NYAP2: variants seen among roughly 807,000 people sequenced by gnomAD.
The protein encoded by NYAP2 is neuronal tyrosine-phosphorylated phosphoinositide-3-kinase adapter 2.
NYAP2 carries 23 observed loss-of-function variants against 50.4 expected under a neutral mutation model. The observed-to-expected ratio is 0.46, with a 90% CI of 0.33 to 0.65. NYAP2 has a LOEUF of 0.65. NYAP2 is among the 30% of genes least tolerant of loss of function. The pLI, the probability that NYAP2 is intolerant of heterozygous loss-of-function variation, is 0.02. For synonymous variants in NYAP2, 394 were observed against 365.2 expected (o/e 1.08, Z -0.90); for missense variants, 885 against 861.0 (o/e 1.03, Z -0.35).
At chr2:225,511,910 C>T (rs1690825355) in intron 3 of NYAP2, among the ~76,000 whole-genome samples, 1 of 152,162 alleles carries the variant, frequency 6.6e-6, no homozygotes, top group Non-Finnish European at 1.5e-5. Context: ...AAGGTAGACT[C>T]AGCAAGCTTC....
intron 4 of NYAP2, among the ~76,000 whole-genome samples, chr2:225,548,495 G>T (rs1281643976): frequency 2.0e-5 from 3 of 151,838 alleles, no homozygotes; most frequent in Non-Finnish European, 2.9e-5. Context: ...ATTACATAAT[G>T]CTATGTGTCT....
intron 5 of NYAP2, among the ~76,000 whole-genome samples, chr2:225,604,298 C>T (rs922058830): frequency 7.2e-5 from 11 of 152,060 alleles, no homozygotes; most frequent in East Asian, 1.9e-4. Context: ...AAGTTTTGTA[C>T]GTTTCCTTTT....
chr2:225,607,770 G>T (rs1254118320), intron 5 of NYAP2, among the ~76,000 whole-genome samples: 4 of 152,078 alleles, frequency 2.6e-5, no homozygotes, highest in African/African-American at 7.2e-5. Context: ...GGTCTTAAAT[G>T]GAAAAGGACT....
the NYAP2 span, among the ~76,000 whole-genome samples, chr2:225,694,405 AC>A: frequency 6.6e-6 from 1 of 151,918 alleles, no homozygotes; most frequent in East Asian, 1.9e-4. Flanking sequence ...TACTTCACAT[AC>A]TTGCTAAACA....
chr2:225,634,832 G>C (rs1261640959), intron 6 of NYAP2, among the ~76,000 whole-genome samples: 1 of 152,176 alleles, frequency 6.6e-6, no homozygotes, highest in Admixed American at 6.6e-5. Context: ...AAGACCTTGA[G>C]AGGTTATTCA....
chr2:225,457,563 A>T (rs147267877), intron 3 of NYAP2, among the ~76,000 whole-genome samples: 14 of 152,332 alleles, frequency 9.2e-5, no homozygotes, highest in African/African-American at 3.4e-4. Context: ...AACCTAAAAC[A>T]AGGAACAGAG....
chr2:225,435,521 C>T (rs1056044779), intron 3 of NYAP2, among the ~76,000 whole-genome samples: 12 of 152,164 alleles, frequency 7.9e-5, no homozygotes, highest in African/African-American at 2.9e-4. Flanking sequence ...CTCAATATTT[C>T]AAATCTCCTC....
At chr2:225,485,225 C>T (rs888764995) in intron 3 of NYAP2, among the ~76,000 whole-genome samples, 1 of 152,164 alleles carries the variant, frequency 6.6e-6, no homozygotes, top group Admixed American at 6.6e-5. Flanking sequence ...AGCTCTTTTG[C>T]CTGCCACCAT....
intron 3 of NYAP2, among the ~76,000 whole-genome samples, chr2:225,467,972 A>T (rs1230710286): frequency 1.3e-5 from 2 of 152,202 alleles, no homozygotes; most frequent in Non-Finnish European, 2.9e-5. Context: ...AGCCTATGAG[A>T]GTTCAAAAAA....
the NYAP2 span, among the ~76,000 whole-genome samples, chr2:225,680,737 A>G: frequency 2.0e-5 from 3 of 152,150 alleles, no homozygotes; most frequent in Non-Finnish European, 2.9e-5. Context: ...CTGGCTGTCA[A>G]AAGATGAGGA....
chr2:225,648,850 A>G (rs1324928486), intron 6 of NYAP2, among the ~76,000 whole-genome samples: 1 of 152,184 alleles, frequency 6.6e-6, no homozygotes, highest in African/African-American at 2.4e-5. Flanking sequence ...TTTGACTCCA[A>G]GGGAAAACAT....
chr2:225,398,247 C>G (rs1045324770), upstream of NYAP2, among the ~76,000 whole-genome samples: 14 of 151,896 alleles, frequency 9.2e-5, no homozygotes, highest in Non-Finnish European at 1.2e-4. Context: ...CCTAATGAGG[C>G]AATTAAGTAA....
rs145317182 is a variant in NYAP2 at position 225,419,327 on chromosome 2, A to C, written c.221+10226A>C. Among the ~76,000 whole-genome samples, 368 of 152,356 alleles carry C rather than the reference A, an allele frequency of 2.4e-3. 1 individual carries two copies. The highest frequency in any genetic ancestry group is 8.2e-3 in the African/African-American group (341 of 41,594). On this transcript the variant is annotated intron_variant, in intron 3 of 6. Transcript: ENST00000636099. ...TAATGTTCACTTAAGACATTTCTGC[A>C]ATGATGGAGACATAGATAATTAGTT...
intron 4 of NYAP2, among the ~76,000 whole-genome samples, chr2:225,554,110 A>G (rs1037286406): frequency 1.3e-5 from 2 of 152,134 alleles, no homozygotes; most frequent in Non-Finnish European, 2.9e-5. Flanking sequence ...ATTCATTACT[A>G]ATCCTTTTAC....
At chr2:225,401,154 G>A (rs1032942900) in intron 2 of NYAP2, 111 bp downstream of exon 2, 33 of 152,632 alleles carry the variant, frequency 2.2e-4, no homozygotes, top group African/African-American at 6.3e-4. Context: ...GATACTTAAT[G>A]CTGAAGTTTG....
intron 5 of NYAP2, among the ~76,000 whole-genome samples, chr2:225,606,172 T>C (rs1692782971): frequency 6.6e-6 from 1 of 152,130 alleles, no homozygotes; most frequent in Non-Finnish European, 1.5e-5. Context: ...TCAGAGTTAA[T>C]TAGGGCTAAG....
Position 225,485,124 on chromosome 2 carries a change from G to C in NYAP2, c.222-28247G>C, listed in dbSNP as rs952827883. Reference sequence around the variant, plus strand: ...TGTGTTGAGGGTGGGGCCAGGTGGAGATAATTGAATCATGGGGGTGGTTTC... The same window carrying C: ...TGTGTTGAGGGTGGGGCCAGGTGGACATAATTGAATCATGGGGGTGGTTTC... On this transcript the variant is annotated intron_variant, in intron 3 of 6. Coordinates refer to ENST00000636099, the Ensembl canonical transcript of NYAP2. Among the ~76,000 whole-genome samples the C allele has an allele frequency of 2.0e-4, 30 of 152,292 alleles. 1 individual carries two copies. The highest frequency in any genetic ancestry group is 4.1e-4 in the Non-Finnish European group (28 of 68,020).
At chr2:225,611,439 C>T (rs959003262) in intron 5 of NYAP2, among the ~76,000 whole-genome samples, 2 of 152,004 alleles carry the variant, frequency 1.3e-5, no homozygotes, top group Non-Finnish European at 2.9e-5. Context: ...CCTTTTATCC[C>T]TTTCTCTCTT....
At chr2:225,657,662 A>G (rs181551983), downstream of NYAP2, among the ~76,000 whole-genome samples, 138 of 152,280 alleles carry the variant, frequency 9.1e-4, no homozygotes, top group Non-Finnish European at 1.7e-3. Context: ...TAAGAGTAGA[A>G]AAACTTCAAA....
Sources: allele counts gnomAD v4.1 joint callset (sites outside exome capture counted in the v4.1 genomes callset), GRCh38; gene constraint gnomAD v4.1.1; transcripts MANE v1.5; gene names NCBI Gene and HGNC (gene_info 2026-07-23, HGNC 2026-07-21).